HOGA1: variants seen among roughly 807,000 people sequenced by gnomAD.
HOGA1 encodes the protein 4-hydroxy-2-oxoglutarate aldolase 1, also known as 4-hydroxy-2-oxoglutarate aldolase, mitochondrial.
In HOGA1, 30 loss-of-function variants were observed where a neutral mutation model predicts 34.3. The observed-to-expected ratio is 0.87, with a 90% CI of 0.65 to 1.19. HOGA1 has a LOEUF of 1.19. HOGA1 is among the 50% of genes most tolerant of loss of function. The probability of loss-of-function intolerance (pLI) is 0.00; values close to 1 mark genes in which losing one functional copy is unlikely to be tolerated. For missense variants in HOGA1, 417 were observed against 436.5 expected (o/e 0.96, Z 0.40); for synonymous variants, 161 against 174.0 (o/e 0.93, Z 0.59).
intron 1 of HOGA1, chr10:97,591,061 C>T (rs1819453508): frequency 6.3e-6 from 1 of 158,438 alleles, no homozygotes; most frequent in South Asian, 2.0e-4. Flanking sequence ...TTTCACTGGG[C>T]CTCATTTAAA....
rs2041098069 is a variant in HOGA1, at chr10:97,599,343, A to C, written c.468+127A>C. The C allele has an allele frequency of 2.8e-5, 32 of 1,147,592 alleles. No homozygotes were observed. In the South Asian group the frequency reaches 3.7e-4, roughly 13 times the overall value. The allele number at this position is 1,147,592 out of a possible 1,614,324, so 71.1% of individuals were successfully genotyped here. ...AACGGGTGGACTGCCACCATGGATC[A>C]GCTGCACGACATTGGGAGGCTTACC... is the stretch of plus-strand genomic sequence containing the variant. On this transcript the variant is annotated intron_variant, in intron 3 of 6. Transcript: ENST00000370646.
At chr10:97,610,919 C>CTT (rs2041190712) in intron 6 of HOGA1, among the ~76,000 whole-genome samples, 1 of 152,230 alleles carries the variant, frequency 6.6e-6, no homozygotes, top group African/African-American at 2.4e-5. Flanking sequence ...GACAGGAGAA[C>CTT]TTACTCAGAG....
Position 97,599,103 on chromosome 10 carries a change from G to A in HOGA1, c.355G>A (p.Val119Met), listed in dbSNP as rs2041095086. 1.9e-6 allele frequency: 3 copies of A among 1,613,522 alleles called. No homozygotes were observed. The highest frequency in any genetic ancestry group is 2.5e-6 in the Non-Finnish European group (3 of 1,180,034). ...GSGCESTQAT[V>M]EMTVSMAQVG... is the part of the protein sequence containing the mutation. ...TCCTCTGGCAGCCACTCAAGCCACAGTGGAGATGACCGTCAGCATGGCCCA... is the reference window on the plus strand; with the variant it reads ...TCCTCTGGCAGCCACTCAAGCCACAATGGAGATGACCGTCAGCATGGCCCA... The change falls in exon 3 of 7, where the codon GTG (valine) becomes ATG (methionine). Residue 119 changes from valine (V) to methionine (M), a missense_variant. Transcript: ENST00000370646.
chr10:97,607,867 G>C (rs190496402), intron 6 of HOGA1, among the ~76,000 whole-genome samples: 2 of 152,212 alleles, frequency 1.3e-5, no homozygotes, highest in Non-Finnish European at 2.9e-5. Context: ...TGAGAAGTAG[G>C]TATGTTAAAA....
chr10:97,590,684 G>A, intron 1 of HOGA1: 1 of 1,000,850 alleles, frequency 1.0e-6, no homozygotes, highest in Non-Finnish European at 1.5e-6. Flanking sequence ...TGCAGGCCAG[G>A]GTGAGATGCT....
chr10:97,588,694 T>A (rs1168167202), intron 1 of HOGA1, among the ~76,000 whole-genome samples: 2 of 152,222 alleles, frequency 1.3e-5, no homozygotes, highest in East Asian at 3.8e-4. Flanking sequence ...AGGTTCTCCA[T>A]AAAACACTTG....
At chr10:97,605,192 TGAGCCCAG>T (rs2135726019) in intron 6 of HOGA1, among the ~76,000 whole-genome samples, 1 of 152,168 alleles carries the variant, frequency 6.6e-6, no homozygotes, top group East Asian at 1.9e-4. Flanking sequence ...GTCGAATGCT[TGAGCCCAG>T]GAGTTCAAGA....
Position 97,599,830 on chromosome 10 carries a change from T to C in HOGA1, c.603+16T>C. 6.2e-7 allele frequency: 1 copy of C among 1,614,156 alleles called. No individual in the cohort carries two copies. ...CGGTGGTGATGTGAGTGGCAGCAGC[T>C]CCGGGGCTGGGGTCCTCTCCTCCTT... On this transcript the variant is annotated intron_variant, in intron 4 of 6. Coordinates refer to ENST00000370646, the MANE Select transcript of HOGA1 (RefSeq NM_138413.4).
chr10:97,591,120 T>C (rs1415420166), intron 1 of HOGA1, among the ~76,000 whole-genome samples: 1 of 152,024 alleles, frequency 6.6e-6, no homozygotes, highest in Non-Finnish European at 1.5e-5. Flanking sequence ...AAGGGGTACC[T>C]CTAGACGTCT....
chr10:97,593,648 A>G (rs1018819102), intron 1 of HOGA1, among the ~76,000 whole-genome samples: 1 of 152,182 alleles, frequency 6.6e-6, no homozygotes, highest in Non-Finnish European at 1.5e-5. Flanking sequence ...CTTTTGCACA[A>G]CAAATTGTCA....
intron 5 of HOGA1, 63 bp from the exon 6 acceptor site, chr10:97,601,794 C>A: frequency 1.9e-6 from 3 of 1,604,762 alleles, no homozygotes; most frequent in South Asian, 1.1e-5. Flanking sequence ...GTGCTGGGAC[C>A]AGGGCTTGGG....
At chr10:97,586,864 ATCAC>A (rs555177308) in intron 1 of HOGA1, among the ~76,000 whole-genome samples, 2 of 152,116 alleles carry the variant, frequency 1.3e-5, no homozygotes, top group South Asian at 4.2e-4. Context: ...CTCCCATCTG[ATCAC>A]TCACCCACAC....
chr10:97,589,977 A>T (rs753388582), intron 1 of HOGA1: 2 of 1,614,166 alleles, frequency 1.2e-6, no homozygotes, highest in Non-Finnish European at 1.7e-6. Context: ...CCAGAATCCC[A>T]TAAAGCAAAG....
chr10:97,588,195 C>CTTTTTTTTTTTTTTTTTT (rs1164946936), intron 1 of HOGA1, among the ~76,000 whole-genome samples: 1 of 131,346 alleles, frequency 7.6e-6, no homozygotes. Context: ...TTTGTTTTTT[C>CTTTTTTTTTTTTTTTTTT]TTTCTTTTTT....
At chr10:97,592,476 G>A (rs192361359) in intron 1 of HOGA1, among the ~76,000 whole-genome samples, 12 of 151,870 alleles carry the variant, frequency 7.9e-5, no homozygotes, top group African/African-American at 2.7e-4. Flanking sequence ...TCCTGACTTC[G>A]TGATCCGCCA....
chr10:97,584,754 C>G lies in HOGA1; in HGVS notation c.51C>G (p.Ser17Arg). The part of the protein sequence containing the change: ...WSSVRQGLSR[S>R]LSRNVGVWAS... ...CTGTGAGGCAGGGGCTAAGCAGGAG[C>G]TTGTCCAGGAATGTGGGGGTCTGGG... Residue 17 changes from serine to arginine, a missense_variant, in exon 1 of 7, where the codon AGC (serine) becomes AGG (arginine). Physicochemically the swap from Ser to Arg is moderately radical, Grantham distance 110 (BLOSUM62 -1). Coordinates refer to ENST00000370646, the MANE Select transcript of HOGA1 (RefSeq NM_138413.4). The G allele has an allele frequency of 6.2e-7, 1 of 1,612,998 alleles. No individual in the cohort carries two copies. The highest frequency in any genetic ancestry group is 8.5e-7 in the Non-Finnish European group (1 of 1,179,422).
intron 6 of HOGA1, among the ~76,000 whole-genome samples, chr10:97,610,548 G>A (rs2041187057): frequency 6.6e-6 from 1 of 152,198 alleles, no homozygotes; most frequent in African/African-American, 2.4e-5. Flanking sequence ...ACTTTGGGAG[G>A]CCGAGGCGGG....
chr10:97,589,725 A>T, intron 1 of HOGA1: 1 of 622,454 alleles, frequency 1.6e-6, no homozygotes, highest in South Asian at 2.0e-5. Flanking sequence ...CCTGTCAGAC[A>T]TCCTTGGGGA....
In HOGA1 at chr10:97,602,922, C is replaced by T. The variant is rs192591212; in HGVS notation, c.834+932C>T. Reference sequence around the variant, plus strand: ...GGCTATGCTGGTCTCAAATTCCTGGCCTCAAGTGATCTGCCCACCTCAGCC... The same window carrying T: ...GGCTATGCTGGTCTCAAATTCCTGGTCTCAAGTGATCTGCCCACCTCAGCC... On this transcript the variant is annotated intron_variant, in intron 6 of 6. Transcript: ENST00000370646. Among the ~76,000 whole-genome samples, 330 of 152,282 alleles carry T rather than the reference C, an allele frequency of 2.2e-3. 1 individual carries two copies. The highest frequency in any genetic ancestry group is 7.4e-3 in the African/African-American group (308 of 41,556).
Sources: allele counts gnomAD v4.1 joint callset (sites outside exome capture counted in the v4.1 genomes callset), GRCh38; gene constraint gnomAD v4.1.1; transcripts MANE v1.5; gene names NCBI Gene and HGNC (gene_info 2026-07-23, HGNC 2026-07-21).